Variants in MAGEC3 observed in about 807,000 individuals in gnomAD.
The protein encoded by MAGEC3 is MAGE family member C3, also known as melanoma-associated antigen C3.
MAGEC3 carries 34 observed loss-of-function variants against 35.3 expected under a neutral mutation model. The observed-to-expected ratio is 0.96, with a 90% CI of 0.73 to 1.28. MAGEC3 has a LOEUF of 1.28. Ranked by LOEUF, MAGEC3 falls within the 50% of genes most tolerant of loss-of-function variation. The pLI, the probability that MAGEC3 is intolerant of heterozygous loss-of-function variation, is 0.00. For synonymous variants in MAGEC3, 202 were observed against 185.6 expected (o/e 1.09, Z -0.72); for missense variants, 561 against 483.6 (o/e 1.16, Z -1.50).
Position 141,852,646 on chromosome X carries a change from A to G in MAGEC3, c.124-12825A>G, listed in dbSNP as rs142170642. Among the ~76,000 whole-genome samples the G allele has an allele frequency of 1.4e-4, 16 of 110,617 alleles. 1 individual carries two copies. Among genetic ancestry groups the G allele is most frequent in the African/African-American group, 5.2e-4 (16 of 30,580 alleles). On this transcript the variant is annotated intron_variant, in intron 1 of 7. Coordinates refer to ENST00000298296, the MANE Select transcript of MAGEC3 (RefSeq NM_138702.1). ...GTTGAGTTGTTTTCTTTTTTCAGTC[A>G]TGAAAGGGTGTGTTAGATTTGGTGA...
intron 1 of MAGEC3, among the ~76,000 whole-genome samples, chrX:141,851,794 C>A (rs1178908402): frequency 9.0e-6 from 1 of 111,379 alleles, no homozygotes; most frequent in Non-Finnish European, 1.9e-5. Flanking sequence ...TTCCATTGAT[C>A]TGTATGTCTA....
At chrX:141,885,226 G>A (rs1014200279) in intron 4 of MAGEC3, among the ~76,000 whole-genome samples, 36 of 111,537 alleles carry the variant, frequency 3.2e-4, no homozygotes, top group African/African-American at 1.2e-3. Context: ...ATTTATATAA[G>A]CAGAAATCTG....
chrX:141,891,590 C>G (rs1264240838), intron 4 of MAGEC3, among the ~76,000 whole-genome samples: 1 of 108,388 alleles, frequency 9.2e-6, no homozygotes, highest in East Asian at 2.8e-4. Flanking sequence ...CTACTCAGAA[C>G]TTTCCACAAT....
chrX:141,890,187 A>G (rs1366683143), intron 4 of MAGEC3, among the ~76,000 whole-genome samples: 1 of 110,865 alleles, frequency 9.0e-6, no homozygotes, highest in Non-Finnish European at 1.9e-5. Context: ...GAGAACCCTG[A>G]CTAATACATA....
chrX:141,885,780 G>A (rs888982851), intron 4 of MAGEC3, among the ~76,000 whole-genome samples: 10 of 110,450 alleles, frequency 9.1e-5, no homozygotes, highest in Non-Finnish European at 1.9e-5. Flanking sequence ...TCTTGCCTTG[G>A]TTTAATGTAG....
intron 2 of MAGEC3, among the ~76,000 whole-genome samples, chrX:141,877,572 C>A (rs748163727): frequency 1.2e-3 from 132 of 111,416 alleles, no homozygotes; most frequent in Non-Finnish European, 2.1e-3. Flanking sequence ...TCCAACTGGC[C>A]AATCCTCATT....
At chrX:141,849,981 A>G (rs2017740569) in intron 1 of MAGEC3, among the ~76,000 whole-genome samples, 1 of 111,550 alleles carries the variant, frequency 9.0e-6, no homozygotes, top group African/African-American at 3.2e-5. Flanking sequence ...CTAGGTGCCC[A>G]TCAAAGGTTG....
At chrX:141,843,382 A>G (rs1161477943) in intron 1 of MAGEC3, among the ~76,000 whole-genome samples, 2 of 111,491 alleles carry the variant, frequency 1.8e-5, no homozygotes, top group Non-Finnish European at 3.8e-5. Flanking sequence ...ACTTGCTATC[A>G]GCTAATTTAG....
At chrX:141,838,559 C>G in intron 1 of MAGEC3, 121 bp downstream of exon 1, 2 of 1,067,432 alleles carry the variant, frequency 1.9e-6, no homozygotes, top group Non-Finnish European at 1.2e-6. Context: ...GGGTGAGGCT[C>G]TAAGATGCTA....
chrX:141,895,126 A>C, intron 4 of MAGEC3, 143 bp from the exon 5 acceptor site: 2 of 639,563 alleles, frequency 3.1e-6, no homozygotes, highest in Non-Finnish European at 4.7e-6. Flanking sequence ...GGAGGTGGGC[A>C]CAAAGGGGTC....
intron 1 of MAGEC3, among the ~76,000 whole-genome samples, chrX:141,843,878 C>T (rs1385518582): frequency 9.0e-6 from 1 of 110,544 alleles, no homozygotes; most frequent in African/African-American, 3.3e-5. Flanking sequence ...ATAATATTAC[C>T]ATTAAATTAA....
intron 4 of MAGEC3, 110 bp downstream of exon 4, chrX:141,881,906 C>T (rs2017969544): frequency 3.1e-5 from 31 of 993,728 alleles, no homozygotes; most frequent in Non-Finnish European, 4.1e-5. Context: ...AGTAGTGCTC[C>T]TCCACGTTAT....
At chrX:141,846,273 T>C (rs1305344168) in intron 1 of MAGEC3, among the ~76,000 whole-genome samples, 1 of 108,611 alleles carries the variant, frequency 9.2e-6, no homozygotes, top group African/African-American at 3.3e-5. Flanking sequence ...GATAGGATAA[T>C]GTACTTATGC....
intron 4 of MAGEC3, among the ~76,000 whole-genome samples, chrX:141,883,991 T>C (rs912882311): frequency 4.4e-5 from 5 of 113,302 alleles, no homozygotes; most frequent in Admixed American, 2.8e-4. Flanking sequence ...TGTTCAGTCA[T>C]GTAGAGGGTA....
At chrX:141,840,076 T>C in intron 1 of MAGEC3, 3 of 690,197 alleles carry the variant, frequency 4.3e-6, no homozygotes, top group Non-Finnish European at 5.2e-6. Flanking sequence ...AAATTCTTCC[T>C]GAAGGATTTG....
intron 1 of MAGEC3, chrX:141,838,993 G>A (rs1035831847): frequency 1.6e-5 from 5 of 305,372 alleles, no homozygotes; most frequent in Non-Finnish European, 1.7e-5. Context: ...TCTCCCTGAA[G>A]CAGTGCCATC....
At chrX:141,876,971 G>C (rs767807619) in intron 2 of MAGEC3, among the ~76,000 whole-genome samples, 2 of 112,101 alleles carry the variant, frequency 1.8e-5, no homozygotes, top group African/African-American at 3.2e-5. Context: ...CTGTCTGGTA[G>C]ACTAATGACT....
Position 141,879,342 on chromosome X carries a change from C to T in MAGEC3, c.426C>T (p.Asp142=), listed in dbSNP as rs139128769. The T allele has an allele frequency of 5.8e-6, 7 of 1,199,575 alleles. No individual in the cohort carries two copies. The highest frequency in any genetic ancestry group is 1.8e-5 in the African/African-American group (1 of 56,757). ...NEKRTLWKDS[D]LPTWRRGTGY... ...AGAGAACTCTGTGGAAGGACAGTGA[C>T]CTTCCAACATGGAGGAGAGGCACAG... The change falls in exon 3 of 8, where the codon GAC becomes GAT. Residue 142 remains aspartate, a synonymous_variant. Coordinates refer to ENST00000298296, the MANE Select transcript of MAGEC3 (RefSeq NM_138702.1).
intron 2 of MAGEC3, among the ~76,000 whole-genome samples, chrX:141,869,550 CTT>C (rs1258057373): frequency 8.9e-6 from 1 of 112,102 alleles, no homozygotes; most frequent in African/African-American, 3.2e-5. Context: ...ATTTTATTAA[CTT>C]TTGTTTTGCT....
Sources: allele counts gnomAD v4.1 joint callset (sites outside exome capture counted in the v4.1 genomes callset), GRCh38; gene constraint gnomAD v4.1.1; transcripts MANE v1.5; gene names NCBI Gene and HGNC (gene_info 2026-07-23, HGNC 2026-07-21).